TBC1D19: variants seen among roughly 807,000 people sequenced by gnomAD.
TBC1D19 encodes the protein TBC1 domain family member 19.
A neutral mutation model predicts 89.0 loss-of-function variants in TBC1D19; 60 were observed. The observed-to-expected ratio is 0.67, with a 90% confidence interval of 0.55 to 0.84. TBC1D19 has a LOEUF of 0.84. Among genes scored for constraint, TBC1D19 ranks in the 40% least tolerant of loss-of-function variants. The pLI is 0.00. For synonymous variants in TBC1D19, 189 were observed against 199.7 expected, an observed-to-expected ratio of 0.95 and a Z score of 0.45; for missense variants, 500 against 610.8, an observed-to-expected ratio of 0.82 and a Z score of 1.91.
At chr4:26,820,755 G>A in the TBC1D19 span, among the ~76,000 whole-genome samples, 71,075 of 151,860 alleles carry the variant, frequency 0.47, 17,030 homozygotes, top group African/African-American at 0.56. Flanking sequence ...GAACCTCCAT[G>A]CTGCTTTCCA....
At chr4:26,605,008 CTA>C (rs1205565275) in intron 1 of TBC1D19, among the ~76,000 whole-genome samples, 1 of 151,716 alleles carries the variant, frequency 6.6e-6, no homozygotes, top group Non-Finnish European at 1.5e-5. Flanking sequence ...CATATGAACT[CTA>C]TGTTTAATAT....
the TBC1D19 span, among the ~76,000 whole-genome samples, chr4:26,800,260 G>T: frequency 2.0e-5 from 3 of 152,084 alleles, no homozygotes; most frequent in South Asian, 4.2e-4. Context: ...GCAGTGTTTG[G>T]TTTTTTGTCC....
intron 4 of TBC1D19, among the ~76,000 whole-genome samples, chr4:26,628,319 A>T (rs947065894): frequency 3.3e-5 from 5 of 152,068 alleles, no homozygotes; most frequent in Non-Finnish European, 7.4e-5. Context: ...GTCAGGTAGC[A>T]TGATGCCTCC....
At chr4:26,851,261 C>T in the TBC1D19 span, among the ~76,000 whole-genome samples, 20 of 147,440 alleles carry the variant, frequency 1.4e-4, no homozygotes, top group South Asian at 4.3e-4. Context: ...CATGGGATTT[C>T]GCAGCCTCCA....
chr4:26,853,814 C>T, the TBC1D19 span, among the ~76,000 whole-genome samples: 12 of 152,328 alleles, frequency 7.9e-5, no homozygotes, highest in East Asian at 5.8e-4. Context: ...GAATTACAGG[C>T]GTGAGCCACC....
the TBC1D19 span, among the ~76,000 whole-genome samples, chr4:26,790,860 T>C: frequency 6.6e-6 from 1 of 152,204 alleles, no homozygotes; most frequent in African/African-American, 2.4e-5. Flanking sequence ...TGCAAAAATA[T>C]TTTCACTTTT....
the TBC1D19 span, among the ~76,000 whole-genome samples, chr4:26,788,490 T>C: frequency 6.6e-6 from 1 of 152,158 alleles, no homozygotes; most frequent in African/African-American, 2.4e-5. Flanking sequence ...CTCTCTATGT[T>C]GTGACACCTA....
intron 9 of TBC1D19, among the ~76,000 whole-genome samples, chr4:26,669,994 A>T (rs879795565): frequency 8.6e-5 from 13 of 151,678 alleles, no homozygotes; most frequent in Non-Finnish European, 1.2e-4. Context: ...ATGGGGTTCT[A>T]TGTGAAAACT....
intron 9 of TBC1D19, 41 bp from the exon 10 acceptor site, chr4:26,672,108 A>C (rs1712365864): frequency 1.1e-6 from 1 of 878,120 alleles, no homozygotes; most frequent in South Asian, 1.5e-5. Context: ...GTGATTGCTC[A>C]TACTCATGTC....
the TBC1D19 span, among the ~76,000 whole-genome samples, chr4:26,810,877 T>C: frequency 1.3e-5 from 2 of 152,214 alleles, no homozygotes; most frequent in African/African-American, 4.8e-5. Flanking sequence ...AACTAAATTC[T>C]TGATGAATTA....
intron 7 of TBC1D19, among the ~76,000 whole-genome samples, chr4:26,648,060 A>C (rs935844790): frequency 6.6e-6 from 1 of 152,146 alleles, no homozygotes; most frequent in Non-Finnish European, 1.5e-5. Context: ...CAAATAATTG[A>C]CAACACTCAC....
At chr4:26,740,959 A>G (rs995939750) in intron 17 of TBC1D19, 85 of 985,194 alleles carry the variant, frequency 8.6e-5, no homozygotes, top group Non-Finnish European at 9.8e-5. Flanking sequence ...AAGCAACACC[A>G]GTTATCCTGG....
At chr4:26,598,348 G>A (rs188920052) in intron 1 of TBC1D19, among the ~76,000 whole-genome samples, 1 of 152,224 alleles carries the variant, frequency 6.6e-6, no homozygotes, top group Admixed American at 6.5e-5. Context: ...TATTTCTGCA[G>A]CAAAATGCAT....
chr4:26,753,805 T>C lies in TBC1D19; in HGVS notation c.1436-15T>C, dbSNP rs983259282. On this transcript the variant is annotated splice_polypyrimidine_tract_variant and intron_variant, in intron 19 of 20. Coordinates refer to ENST00000264866, the MANE Select transcript of TBC1D19 (RefSeq NM_018317.4). Reference sequence around the variant, plus strand: ...GAGTAGGCCAGCAGTTGAAGTAGTGTGCATTCTTTTCCAGTGCTGGCAGCT... The same window carrying C: ...GAGTAGGCCAGCAGTTGAAGTAGTGCGCATTCTTTTCCAGTGCTGGCAGCT... 1 of 1,613,736 alleles carries C rather than the reference T, an allele frequency of 6.2e-7. No homozygotes were observed. Among genetic ancestry groups the C allele is most frequent in the East Asian group, 2.2e-5 (1 of 44,874 alleles).
Position 26,718,026 on chromosome 4 carries a change from T to C in TBC1D19, c.1039+9T>C. On this transcript the variant is annotated intron_variant, in intron 14 of 20. Coordinates refer to ENST00000264866, the MANE Select transcript of TBC1D19 (RefSeq NM_018317.4). ...AAAATCATACATAAGAGGTAAATTT[T>C]TAATAATTTTAAGGAAGTATTAAGA... 2.5e-6 allele frequency: 4 copies of C among 1,596,166 alleles called. No individual in the cohort carries two copies. Among genetic ancestry groups the C allele is most frequent in the Non-Finnish European group, 2.6e-6 (3 of 1,166,200 alleles).
the TBC1D19 span, among the ~76,000 whole-genome samples, chr4:26,805,191 T>G: frequency 6.6e-6 from 1 of 152,200 alleles, no homozygotes; most frequent in African/African-American, 2.4e-5. Context: ...AAAAAGTCCA[T>G]AAAGGAAGTG....
chr4:26,715,043 G>A (rs1462859458), intron 13 of TBC1D19, among the ~76,000 whole-genome samples: 1 of 151,898 alleles, frequency 6.6e-6, no homozygotes. Flanking sequence ...CACCTATTTT[G>A]TGGCTTTCAC....
At chr4:26,842,060 G>A in the TBC1D19 span, among the ~76,000 whole-genome samples, 1 of 152,182 alleles carries the variant, frequency 6.6e-6, no homozygotes, top group African/African-American at 2.4e-5. Flanking sequence ...AGTATCTTTA[G>A]TCATTTTAAT....
At chr4:26,578,114 T>C (rs2109918186) in intron 1 of TBC1D19, among the ~76,000 whole-genome samples, 1 of 152,296 alleles carries the variant, frequency 6.6e-6, no homozygotes, top group East Asian at 1.9e-4. Flanking sequence ...ACGGAGTTTG[T>C]TTCAGGATTA....
Sources: gnomAD v4.1 joint callset for allele counts (sites outside exome capture counted in the v4.1 genomes callset) on GRCh38, gnomAD v4.1.1 for gene constraint, MANE v1.5 for transcripts, NCBI Gene and HGNC (gene_info 2026-07-23, HGNC 2026-07-21) for gene names.